Variants in FCHSD2 observed in about 807,000 individuals in gnomAD.
The protein encoded by FCHSD2 is F-BAR and double SH3 domains protein 2.
FCHSD2 carries 38 observed loss-of-function variants against 108.1 expected under a neutral mutation model. The observed-to-expected ratio is 0.35, with a 90% CI of 0.27 to 0.46. The LOEUF is 0.46. Ranked by LOEUF, FCHSD2 falls within the 20% of genes least tolerant of loss-of-function variation. FCHSD2 has a pLI of 1.00. For missense variants in FCHSD2, 751 were observed against 897.8 expected, an observed-to-expected ratio of 0.84 and a Z score of 2.09; for synonymous variants, 279 against 314.7, an observed-to-expected ratio of 0.89 and a Z score of 1.20.
At chr11:72,989,340 C>T (rs1451416097) in intron 5 of FCHSD2, among the ~76,000 whole-genome samples, 3 of 152,100 alleles carry the variant, frequency 2.0e-5, no homozygotes, top group Non-Finnish European at 2.9e-5. Flanking sequence ...AGAAATAACC[C>T]GAGTGCTGCT....
At chr11:72,983,909 AAATT>A in intron 8 of FCHSD2, 175 bp downstream of exon 8, 1 of 695,782 alleles carries the variant, frequency 1.4e-6, no homozygotes, top group Non-Finnish European at 2.6e-6. Context: ...TCTTAACTAA[AAATT>A]AATTCCAAAT....
At chr11:73,118,357 C>T (rs934677873) in intron 2 of FCHSD2, among the ~76,000 whole-genome samples, 3 of 152,094 alleles carry the variant, frequency 2.0e-5, no homozygotes, top group Non-Finnish European at 4.4e-5. Flanking sequence ...CAGAATGGCA[C>T]TATCATCCCA....
intron 13 of FCHSD2, among the ~76,000 whole-genome samples, chr11:72,858,608 C>T (rs1418982373): frequency 6.6e-6 from 1 of 151,958 alleles, no homozygotes; most frequent in Non-Finnish European, 1.5e-5. Flanking sequence ...GACACTGGGG[C>T]CTTTCGGAGG....
Position 72,841,594 on chromosome 11 carries a change from G to A in FCHSD2, c.1927-11C>T, listed in dbSNP as rs771324357. Reference sequence around the variant, plus strand: ...GGGGGAAGGAGAGATCTGCAGCAAAGGGAAGCGAGGTTACCCGGTGCTCCC... The same window carrying A: ...GGGGGAAGGAGAGATCTGCAGCAAAAGGAAGCGAGGTTACCCGGTGCTCCC... On this transcript the variant is annotated splice_polypyrimidine_tract_variant and intron_variant, in intron 17 of 19. Coordinates refer to ENST00000409418, the MANE Select transcript of FCHSD2 (RefSeq NM_014824.3). The A allele has an allele frequency of 6.3e-7, 1 of 1,592,416 alleles. No homozygotes were observed. The highest frequency in any genetic ancestry group is 1.8e-5 in the Admixed American group (1 of 55,474).
intron 8 of FCHSD2, chr11:72,940,632 T>G (rs1027959784): frequency 6.9e-7 from 1 of 1,444,138 alleles, no homozygotes; most frequent in Admixed American, 1.7e-5. Flanking sequence ...CCACCCAGCC[T>G]GATAAAGCGC....
chr11:72,908,903 C>G (rs1340576345), intron 9 of FCHSD2, among the ~76,000 whole-genome samples: 1 of 152,172 alleles, frequency 6.6e-6, no homozygotes, highest in Non-Finnish European at 1.5e-5. Flanking sequence ...ATCTGCCCAC[C>G]TTGGCCTCCT....
chr11:73,045,758 G>A (rs1858747114), intron 3 of FCHSD2, among the ~76,000 whole-genome samples: 1 of 151,760 alleles, frequency 6.6e-6, no homozygotes, highest in Admixed American at 6.6e-5. Context: ...TCACACTCTG[G>A]GGACTGTTGT....
chr11:73,110,150 C>CT (rs55744506), intron 2 of FCHSD2, among the ~76,000 whole-genome samples: 126 of 146,918 alleles, frequency 8.6e-4, no homozygotes, highest in Admixed American at 1.4e-3. Flanking sequence ...TAGTTTTCTT[C>CT]TTTTTTTTTT....
At chr11:73,105,452 G>A (rs1459158709) in intron 2 of FCHSD2, among the ~76,000 whole-genome samples, 3 of 152,084 alleles carry the variant, frequency 2.0e-5, no homozygotes, top group Non-Finnish European at 4.4e-5. Flanking sequence ...CTTTCCTAGG[G>A]AAGAACTCCA....
intron 8 of FCHSD2, among the ~76,000 whole-genome samples, chr11:72,961,405 TTTGTTGTTG>T (rs145240576): frequency 0.22 from 33,975 of 151,024 alleles, 4,543 homozygotes; most frequent in Middle Eastern, 0.37. Flanking sequence ...TAAGAAGTTT[TTTGTTGTTG>T]TTGTTGTTGT....
At chr11:72,970,074 C>T (rs1048361953) in intron 8 of FCHSD2, among the ~76,000 whole-genome samples, 1 of 152,178 alleles carries the variant, frequency 6.6e-6, no homozygotes, top group Non-Finnish European at 1.5e-5. Context: ...GTAAAATGAA[C>T]CCAACTTGCT....
rs1014771937 is a variant in FCHSD2, at chr11:73,000,280, T to C, written c.387+710A>G. ...TTTTCTTTCTTTTACTTTAATATTTTCTAAAGTATTAATACTTCCACAAGA... is the reference window on the plus strand; with the variant it reads ...TTTTCTTTCTTTTACTTTAATATTTCCTAAAGTATTAATACTTCCACAAGA... On this transcript the variant is annotated intron_variant, in intron 5 of 19. Coordinates refer to ENST00000409418, the MANE Select transcript of FCHSD2 (RefSeq NM_014824.3). Among the ~76,000 whole-genome samples the C allele has an allele frequency of 5.3e-5, 8 of 152,326 alleles. No individual in the cohort carries two copies. In the South Asian group the frequency reaches 1.2e-3, roughly 24 times the overall value.
At chr11:73,125,690 G>A (rs954194201) in intron 2 of FCHSD2, among the ~76,000 whole-genome samples, 1 of 151,502 alleles carries the variant, frequency 6.6e-6, no homozygotes, top group Non-Finnish European at 1.5e-5. Context: ...AGACAACAGA[G>A]ACCCTGTCTC....
chr11:72,848,586 T>C (rs1481164796), intron 14 of FCHSD2, among the ~76,000 whole-genome samples: 1 of 152,236 alleles, frequency 6.6e-6, no homozygotes, highest in African/African-American at 2.4e-5. Flanking sequence ...AGATGTCATA[T>C]TCATTCTGGC....
chr11:73,033,910 C>T (rs890451963), intron 3 of FCHSD2, among the ~76,000 whole-genome samples: 6 of 151,928 alleles, frequency 3.9e-5, no homozygotes, highest in African/African-American at 1.5e-4. Flanking sequence ...TGGTAAACAA[C>T]GCTTATGACA....
At chr11:72,975,722 T>C (rs993940709) in intron 8 of FCHSD2, among the ~76,000 whole-genome samples, 5 of 152,340 alleles carry the variant, frequency 3.3e-5, no homozygotes, top group African/African-American at 1.2e-4. Context: ...AAAAGATAAG[T>C]CAAATTATAT....
At position 73,002,331 on chromosome 11, in the gene FCHSD2, T is replaced by C. The variant is rs142155723; in HGVS notation, c.243-1197A>G. On this transcript the variant is annotated intron_variant, in intron 4 of 19. Coordinates refer to ENST00000409418, the MANE Select transcript of FCHSD2 (RefSeq NM_014824.3). Reference sequence around the variant, plus strand: ...AATAGTCATTATTTAGGCAGAGGTGTATCACTATTCCTTTGGAAAGATTCA... The same window carrying C: ...AATAGTCATTATTTAGGCAGAGGTGCATCACTATTCCTTTGGAAAGATTCA... Among the ~76,000 whole-genome samples, 603 of 152,300 alleles carry C rather than the reference T, an allele frequency of 4.0e-3. 8 individuals carry two copies. In the South Asian group the frequency reaches 0.041, roughly 10 times the overall value.
At chr11:72,871,408 C>CA (rs1428908412) in intron 12 of FCHSD2, among the ~76,000 whole-genome samples, 3 of 152,232 alleles carry the variant, frequency 2.0e-5, no homozygotes, top group Non-Finnish European at 4.4e-5. Flanking sequence ...GTAAAACATT[C>CA]AGCCTCTTTT....
At chr11:72,977,128 T>C (rs567957759) in intron 8 of FCHSD2, among the ~76,000 whole-genome samples, 4 of 152,226 alleles carry the variant, frequency 2.6e-5, no homozygotes, top group South Asian at 2.1e-4. Context: ...TTTCACCATA[T>C]TGGCCAGGTG....
Sources: allele counts gnomAD v4.1 joint callset (sites outside exome capture counted in the v4.1 genomes callset), GRCh38; gene constraint gnomAD v4.1.1; transcripts MANE v1.5; gene names NCBI Gene and HGNC (gene_info 2026-07-23, HGNC 2026-07-21).